The following PTPRR variants were observed in gnomAD, a reference collection of about 807,000 sequenced individuals.
PTPRR encodes protein tyrosine phosphatase receptor type R, also known as receptor-type tyrosine-protein phosphatase R.
A neutral mutation model predicts 77.2 loss-of-function variants in PTPRR; 38 were observed. The observed-to-expected ratio is 0.49, with a 90% CI of 0.38 to 0.65. The LOEUF is 0.65. Among genes scored for constraint, PTPRR ranks in the 30% least tolerant of loss-of-function variants. The pLI is 0.00. For synonymous variants in PTPRR, 299 were observed against 283.1 expected, an observed-to-expected ratio of 1.06 and a Z score of -0.57; for missense variants, 744 against 799.2, an observed-to-expected ratio of 0.93 and a Z score of 0.83.
chr12:70,778,141 G>A (rs529024822), intron 2 of PTPRR, among the ~76,000 whole-genome samples: 2 of 152,150 alleles, frequency 1.3e-5, no homozygotes, highest in Non-Finnish European at 2.9e-5. Context: ...GAATATATTT[G>A]TGGTGCTTTT....
intron 13 of PTPRR, among the ~76,000 whole-genome samples, chr12:70,653,706 A>G (rs995888558): frequency 1.3e-5 from 2 of 152,174 alleles, no homozygotes; most frequent in Non-Finnish European, 2.9e-5. Flanking sequence ...CATCCTTACA[A>G]TAATAATAGG....
chr12:70,854,620 A>G (rs1892623050), intron 2 of PTPRR, among the ~76,000 whole-genome samples: 1 of 152,132 alleles, frequency 6.6e-6, no homozygotes, highest in Non-Finnish European at 1.5e-5. Flanking sequence ...GTTTCCTTTC[A>G]TGGATCACAC....
chr12:70,665,387 T>C (rs1318174397), intron 10 of PTPRR, among the ~76,000 whole-genome samples: 1 of 131,086 alleles, frequency 7.6e-6, no homozygotes, highest in Admixed American at 7.6e-5. Context: ...TTTTTTTTTT[T>C]TTTTTTTTTT....
At chr12:70,844,676 G>A (rs1892453779) in intron 2 of PTPRR, among the ~76,000 whole-genome samples, 1 of 151,984 alleles carries the variant, frequency 6.6e-6, no homozygotes, top group Non-Finnish European at 1.5e-5. Context: ...TACTATATTT[G>A]GACTTGACTT....
chr12:70,909,789 C>T (rs1052828201), intron 1 of PTPRR, among the ~76,000 whole-genome samples: 2 of 152,094 alleles, frequency 1.3e-5, no homozygotes, highest in Non-Finnish European at 2.9e-5. Flanking sequence ...GTGATGATAC[C>T]GCATGTCCTA....
intron 6 of PTPRR, among the ~76,000 whole-genome samples, chr12:70,729,356 C>G (rs981719614): frequency 8.2e-6 from 1 of 121,860 alleles, no homozygotes; most frequent in African/African-American, 2.9e-5. Context: ...ATCTATCTAT[C>G]TATCTATCTG....
chr12:70,853,991 C>T (rs1256037551), intron 2 of PTPRR, among the ~76,000 whole-genome samples: 1 of 152,156 alleles, frequency 6.6e-6, no homozygotes, highest in African/African-American at 2.4e-5. Context: ...GCTACAATAT[C>T]ATCATTATTA....
chr12:70,792,161 G>T lies in PTPRR; in HGVS notation c.358-27383C>A, dbSNP rs181446469. Among the ~76,000 whole-genome samples the T allele has an allele frequency of 2.8e-3, 431 of 152,272 alleles. 1 individual carries two copies. The highest frequency in any genetic ancestry group is 5.7e-3 in the Admixed American group (87 of 15,284). On this transcript the variant is annotated intron_variant, in intron 2 of 13. Transcript: ENST00000283228. ...TCTTCATCTGAAAGAGAAGATAATG[G>T]TCTACTACGTCAGAGGTTGTTAAGG...
intron 2 of PTPRR, among the ~76,000 whole-genome samples, chr12:70,861,327 C>T (rs1441320574): frequency 3.9e-5 from 6 of 152,098 alleles, no homozygotes; most frequent in Non-Finnish European, 2.9e-5. Context: ...CATTTCCTTG[C>T]CATGGGTTTC....
intron 6 of PTPRR, among the ~76,000 whole-genome samples, chr12:70,708,176 A>C (rs757163627): frequency 3.3e-5 from 5 of 152,130 alleles, no homozygotes. Context: ...GTGTGAACAC[A>C]TTGAGGCCAA....
intron 10 of PTPRR, among the ~76,000 whole-genome samples, chr12:70,667,841 T>C (rs1190772218): frequency 6.6e-6 from 1 of 151,958 alleles, no homozygotes; most frequent in Non-Finnish European, 1.5e-5. Context: ...CTGACCTTGT[T>C]TGGATAGACC....
At chr12:70,718,748 T>G (rs1251520174) in intron 6 of PTPRR, among the ~76,000 whole-genome samples, 2 of 152,226 alleles carry the variant, frequency 1.3e-5, no homozygotes, top group African/African-American at 4.8e-5. Context: ...ATATTGTAGA[T>G]GAGGTGAAAT....
intron 1 of PTPRR, among the ~76,000 whole-genome samples, chr12:70,910,556 G>C (rs1013817616): frequency 2.0e-5 from 3 of 152,146 alleles, no homozygotes; most frequent in African/African-American, 7.2e-5. Context: ...TGCTTGTCTT[G>C]AGAGGAAGAC....
intron 2 of PTPRR, among the ~76,000 whole-genome samples, chr12:70,777,945 C>T (rs1283481597): frequency 2.0e-5 from 3 of 152,206 alleles, no homozygotes; most frequent in African/African-American, 7.2e-5. Context: ...TTCTACAGTT[C>T]TATAGTGATA....
At chr12:70,670,133 T>C (rs1323496879) in intron 10 of PTPRR, among the ~76,000 whole-genome samples, 1 of 152,210 alleles carries the variant, frequency 6.6e-6, no homozygotes, top group Non-Finnish European at 1.5e-5. Context: ...TTAAGTCAAG[T>C]AGTTTAACTC....
intron 6 of PTPRR, among the ~76,000 whole-genome samples, chr12:70,722,790 A>T (rs1385862627): frequency 1.3e-5 from 2 of 152,150 alleles, no homozygotes; most frequent in African/African-American, 4.8e-5. Flanking sequence ...TTCACAGTTC[A>T]TATCTGGAAT....
intron 10 of PTPRR, among the ~76,000 whole-genome samples, chr12:70,667,422 A>C (rs1887052230): frequency 6.6e-6 from 1 of 152,200 alleles, no homozygotes; most frequent in Non-Finnish European, 1.5e-5. Flanking sequence ...CGCAGTCAGC[A>C]TCTGAATTTC....
chr12:70,694,656 G>A (rs1026831559), intron 8 of PTPRR, among the ~76,000 whole-genome samples: 3 of 152,034 alleles, frequency 2.0e-5, no homozygotes, highest in Admixed American at 1.3e-4. Flanking sequence ...TCCAAAAAAA[G>A]GGAGGGAGGG....
At chr12:70,780,231 C>A (rs1425515577) in intron 2 of PTPRR, among the ~76,000 whole-genome samples, 1 of 152,096 alleles carries the variant, frequency 6.6e-6, no homozygotes, top group Admixed American at 6.5e-5. Context: ...ACCTTGTGAT[C>A]CACCTGCCTT....
Sources: allele counts gnomAD v4.1 joint callset (sites outside exome capture counted in the v4.1 genomes callset), GRCh38; gene constraint gnomAD v4.1.1; transcripts MANE v1.5; gene names NCBI Gene and HGNC (gene_info 2026-07-23, HGNC 2026-07-21).